FAM13A: variants seen among roughly 807,000 people sequenced by gnomAD.
FAM13A encodes family with sequence similarity 13 member A, also known as protein FAM13A.
In FAM13A, 76 loss-of-function variants were observed where a neutral mutation model predicts 129.6. The observed-to-expected ratio is 0.59, with a 90% CI of 0.49 to 0.71. The LOEUF is 0.71. Ranked by LOEUF, FAM13A falls within the 30% of genes least tolerant of loss-of-function variation. FAM13A has a pLI of 0.00. For synonymous variants in FAM13A, 443 were observed against 449.9 expected (o/e 0.98, Z 0.20); for missense variants, 1,108 against 1,249.3 (o/e 0.89, Z 1.70).
chr4:89,012,394 G>A (rs1014967901), intron 3 of FAM13A, among the ~76,000 whole-genome samples: 2 of 152,160 alleles, frequency 1.3e-5, no homozygotes, highest in South Asian at 2.1e-4. Flanking sequence ...AGGTCCCTTC[G>A]AGTGTGTCTC....
At chr4:88,759,178 G>A in intron 13 of FAM13A, 1 of 341,960 alleles carries the variant, frequency 2.9e-6, no homozygotes, top group Non-Finnish European at 5.5e-6. Flanking sequence ...ATTGGGGCCA[G>A]GAATGAGGGA....
At chr4:88,925,011 T>A (rs1296897763) in intron 5 of FAM13A, among the ~76,000 whole-genome samples, 8 of 150,298 alleles carry the variant, frequency 5.3e-5, no homozygotes, top group African/African-American at 2.0e-4. Context: ...TGAGATACCA[T>A]CTCACACCAG....
intron 19 of FAM13A, among the ~76,000 whole-genome samples, chr4:88,741,889 TAA>T (rs1268653167): frequency 6.6e-6 from 1 of 152,164 alleles, no homozygotes; most frequent in Non-Finnish European, 1.5e-5. Context: ...TAGCCACAAA[TAA>T]GTTTGAGAAA....
intron 8 of FAM13A, among the ~76,000 whole-genome samples, chr4:88,804,426 T>C (rs1202530365): frequency 1.3e-5 from 2 of 152,198 alleles, no homozygotes; most frequent in Non-Finnish European, 2.9e-5. Flanking sequence ...GACTTGATTC[T>C]AGGCTGTATC....
chr4:88,868,301 G>A (rs1229882638), intron 6 of FAM13A, among the ~76,000 whole-genome samples: 1 of 152,178 alleles, frequency 6.6e-6, no homozygotes, highest in African/African-American at 2.4e-5. Context: ...CATCGAGTAA[G>A]TGCCTTTTCC....
At chr4:88,804,270 A>AATAT (rs1728125304) in intron 8 of FAM13A, among the ~76,000 whole-genome samples, 1 of 152,086 alleles carries the variant, frequency 6.6e-6, no homozygotes, top group Non-Finnish European at 1.5e-5. Flanking sequence ...TAAATAAATA[A>AATAT]AATAAAATAA....
chr4:88,943,785 T>C (rs1340348505), intron 4 of FAM13A, among the ~76,000 whole-genome samples: 10 of 152,214 alleles, frequency 6.6e-5, no homozygotes, highest in Admixed American at 6.5e-4. Flanking sequence ...AAGAATTAAT[T>C]ACATGAGACT....
At chr4:88,816,487 G>A (rs1730759851) in intron 7 of FAM13A, among the ~76,000 whole-genome samples, 1 of 152,076 alleles carries the variant, frequency 6.6e-6, no homozygotes, top group African/African-American at 2.4e-5. Flanking sequence ...TACCTGCTAC[G>A]TGCCTAACAT....
intron 11 of FAM13A, among the ~76,000 whole-genome samples, chr4:88,770,607 A>T (rs1720483845): frequency 6.6e-6 from 1 of 152,240 alleles, no homozygotes; most frequent in South Asian, 2.1e-4. Flanking sequence ...GAAGAATAAG[A>T]GTGAACAGAA....
chr4:88,787,171 A>G (rs1287044523), intron 10 of FAM13A, among the ~76,000 whole-genome samples: 11 of 152,128 alleles, frequency 7.2e-5, no homozygotes, highest in African/African-American at 2.2e-4. Context: ...AGCTCTTTGT[A>G]ACACTATTCT....
At chr4:88,785,108 C>G (rs746570917) in intron 10 of FAM13A, among the ~76,000 whole-genome samples, 9 of 152,080 alleles carry the variant, frequency 5.9e-5, no homozygotes, top group African/African-American at 1.9e-4. Flanking sequence ...TTTACTGACC[C>G]TTCTACTCAT....
intron 4 of FAM13A, among the ~76,000 whole-genome samples, chr4:88,956,988 G>A (rs1243806176): frequency 6.6e-6 from 1 of 152,182 alleles, no homozygotes; most frequent in Non-Finnish European, 1.5e-5. Flanking sequence ...TCCCCAGGGT[G>A]ATGAGTGAGT....
chr4:88,785,833 T>C (rs934823694), intron 10 of FAM13A, among the ~76,000 whole-genome samples: 1 of 152,144 alleles, frequency 6.6e-6, no homozygotes, highest in Non-Finnish European at 1.5e-5. Context: ...CAAGACACGA[T>C]TGTATCATAG....
intron 13 of FAM13A, 65 bp downstream of exon 13, chr4:88,767,488 G>T: frequency 8.6e-7 from 1 of 1,157,456 alleles, no homozygotes; most frequent in Non-Finnish European, 1.2e-6. Context: ...TAATATTTCA[G>T]AAGTACACTC....
chr4:88,917,106 C>T (rs1474576529), intron 5 of FAM13A, among the ~76,000 whole-genome samples: 8 of 152,252 alleles, frequency 5.3e-5, no homozygotes, highest in Admixed American at 1.3e-4. Flanking sequence ...CTTTATTACT[C>T]TTAGTCTGTT....
At chr4:89,052,449 T>G (rs1771732326) in intron 1 of FAM13A, among the ~76,000 whole-genome samples, 1 of 112,884 alleles carries the variant, frequency 8.9e-6, no homozygotes. Context: ...CCTAAAGCTA[T>G]CCCTCCCCCC....
intron 1 of FAM13A, among the ~76,000 whole-genome samples, chr4:89,032,412 G>C (rs942097803): frequency 1.3e-5 from 2 of 152,050 alleles, no homozygotes; most frequent in Non-Finnish European, 2.9e-5. Flanking sequence ...AACAATATAG[G>C]TTCCCACATA....
intron 7 of FAM13A, among the ~76,000 whole-genome samples, chr4:88,848,388 T>C (rs1737031623): frequency 6.6e-6 from 1 of 152,212 alleles, no homozygotes. Flanking sequence ...TCCTCTCCAC[T>C]GGCTCTGCCC....
At chr4:88,880,783 CGGGGGGGGG>C (rs70959631) in intron 6 of FAM13A, among the ~76,000 whole-genome samples, 4 of 30,054 alleles carry the variant, frequency 1.3e-4, no homozygotes, top group East Asian at 1.1e-3. Context: ...CGGTGGGGGG[CGGGGGGGGG>C]GGGGGCACAG....
Sources: gnomAD v4.1 joint callset for allele counts (sites outside exome capture counted in the v4.1 genomes callset) on GRCh38, gnomAD v4.1.1 for gene constraint, MANE v1.5 for transcripts, NCBI Gene and HGNC (gene_info 2026-07-23, HGNC 2026-07-21) for gene names.